LINGO2: variants seen among roughly 807,000 people sequenced by gnomAD.
LINGO2 encodes leucine-rich repeat and immunoglobulin-like domain-containing nogo receptor-interacting protein 2.
LINGO2 carries 14 observed loss-of-function variants against 30.6 expected under a neutral mutation model. The observed-to-expected ratio is 0.46, with a 90% CI of 0.30 to 0.72. LINGO2 has a LOEUF of 0.72. Ranked by LOEUF, LINGO2 falls within the 30% of genes least tolerant of loss-of-function variation. LINGO2 has a pLI of 0.07. For synonymous variants in LINGO2, 317 were observed against 288.5 expected (o/e 1.10, Z -1.00); for missense variants, 729 against 751.7 (o/e 0.97, Z 0.35).
At chr9:28,257,057 A>G (rs1822405069) in intron 4 of LINGO2, among the ~76,000 whole-genome samples, 1 of 151,656 alleles carries the variant, frequency 6.6e-6, no homozygotes, top group African/African-American at 2.4e-5. Flanking sequence ...ATTAACTTTT[A>G]TGTAATCAAT....
intron 4 of LINGO2, among the ~76,000 whole-genome samples, chr9:28,046,779 T>C (rs574826577): frequency 6.6e-6 from 1 of 152,298 alleles, no homozygotes; most frequent in African/African-American, 2.4e-5. Flanking sequence ...AACTCTGTTA[T>C]ATAAGCTACT....
At chr9:29,065,729 A>G in the LINGO2 span, among the ~76,000 whole-genome samples, 2 of 151,986 alleles carry the variant, frequency 1.3e-5, no homozygotes, top group Non-Finnish European at 2.9e-5. Flanking sequence ...CCTTAAATTT[A>G]AGAGCTCATA....
chr9:28,940,468 G>GC, the LINGO2 span, among the ~76,000 whole-genome samples: 1 of 151,646 alleles, frequency 6.6e-6, no homozygotes, highest in Non-Finnish European at 1.5e-5. Flanking sequence ...CACCCCATAT[G>GC]TTTTTTTTAA....
chr9:29,120,841 G>T, the LINGO2 span, among the ~76,000 whole-genome samples: 3 of 152,110 alleles, frequency 2.0e-5, no homozygotes, highest in Admixed American at 1.3e-4. Context: ...TTCATTAGTA[G>T]AACTTGCATG....
the LINGO2 span, among the ~76,000 whole-genome samples, chr9:28,974,842 C>A: frequency 1.3e-5 from 2 of 152,020 alleles, no homozygotes; most frequent in East Asian, 3.9e-4. Flanking sequence ...ATGAGAAAAT[C>A]CTGACTCAAA....
chr9:28,024,894 G>A (rs1272743215), intron 4 of LINGO2, among the ~76,000 whole-genome samples: 2 of 152,176 alleles, frequency 1.3e-5, no homozygotes, highest in East Asian at 3.9e-4. Context: ...CCTTACTAGA[G>A]AGTAGGGGAT....
chr9:29,196,612 A>T, the LINGO2 span, among the ~76,000 whole-genome samples: 1 of 152,072 alleles, frequency 6.6e-6, no homozygotes, highest in Non-Finnish European at 1.5e-5. Context: ...GAGCACTCTT[A>T]AGTGTGATCA....
intron 4 of LINGO2, among the ~76,000 whole-genome samples, chr9:28,023,550 T>C (rs1238974260): frequency 1.3e-5 from 2 of 152,268 alleles, no homozygotes; most frequent in African/African-American, 4.8e-5. Flanking sequence ...TCAGTGGGCT[T>C]GCGTTTTGTG....
At chr9:27,983,837 T>A (rs925113167) in intron 5 of LINGO2, among the ~76,000 whole-genome samples, 5 of 151,866 alleles carry the variant, frequency 3.3e-5, no homozygotes, top group Admixed American at 2.6e-4. Flanking sequence ...TATTAGTTAT[T>A]AATTTTTGAG....
At chr9:27,982,491 A>G (rs1394485900) in intron 5 of LINGO2, among the ~76,000 whole-genome samples, 1 of 151,852 alleles carries the variant, frequency 6.6e-6, no homozygotes, top group African/African-American at 2.4e-5. Context: ...TTTCCTACAT[A>G]TCAGGTTCTA....
At chr9:28,205,982 T>C (rs1279567693) in intron 4 of LINGO2, among the ~76,000 whole-genome samples, 1 of 151,662 alleles carries the variant, frequency 6.6e-6, no homozygotes, top group East Asian at 1.9e-4. Context: ...CTGGCCAATA[T>C]GGAAAAACCC....
chr9:28,934,814 G>A, the LINGO2 span, among the ~76,000 whole-genome samples: 3 of 152,060 alleles, frequency 2.0e-5, no homozygotes, highest in Admixed American at 2.0e-4. Flanking sequence ...CCTCAATTTT[G>A]TACAAAGGGT....
the LINGO2 span, among the ~76,000 whole-genome samples, chr9:28,679,338 A>C: frequency 6.6e-6 from 1 of 152,142 alleles, no homozygotes; most frequent in Non-Finnish European, 1.5e-5. Flanking sequence ...CACATGATTT[A>C]TCTTCTAATC....
At chr9:28,183,376 C>T (rs10733426) in intron 4 of LINGO2, among the ~76,000 whole-genome samples, 109,265 of 151,984 alleles carry the variant, frequency 0.72, 39,356 homozygotes, top group Admixed American at 0.78. Flanking sequence ...GGCACAGGTA[C>T]ACCTATGTAA....
intron 2 of LINGO2, among the ~76,000 whole-genome samples, chr9:28,408,042 C>T (rs7853721): frequency 0.92 from 139,987 of 152,132 alleles, 64,538 homozygotes; most frequent in East Asian, 1. Flanking sequence ...AGCAGTCTGA[C>T]TATTTTACTA....
intron 2 of LINGO2, among the ~76,000 whole-genome samples, chr9:28,394,453 C>T (rs975626580): frequency 6.6e-6 from 1 of 152,184 alleles, no homozygotes; most frequent in African/African-American, 2.4e-5. Flanking sequence ...TTCTCTCTCC[C>T]TTCCAGCCTC....
At chr9:28,459,358 G>C (rs577381026) in intron 2 of LINGO2, among the ~76,000 whole-genome samples, 2 of 152,004 alleles carry the variant, frequency 1.3e-5, no homozygotes, top group Admixed American at 1.3e-4. Flanking sequence ...TCATTTTAAA[G>C]TTAAGGATTC....
chr9:28,543,202 T>A (rs1821782945), intron 1 of LINGO2, among the ~76,000 whole-genome samples: 1 of 152,130 alleles, frequency 6.6e-6, no homozygotes, highest in Admixed American at 6.6e-5. Flanking sequence ...AACAAGCCTC[T>A]GACTTTCCCA....
the LINGO2 span, among the ~76,000 whole-genome samples, chr9:28,856,648 A>G: frequency 0.37 from 55,866 of 151,918 alleles, 11,331 homozygotes; most frequent in African/African-American, 0.55. Flanking sequence ...ACTAAAGCCC[A>G]GGGAAAGACT....
Sources: allele counts gnomAD v4.1 joint callset (sites outside exome capture counted in the v4.1 genomes callset), GRCh38; gene constraint gnomAD v4.1.1; transcripts MANE v1.5; gene names NCBI Gene and HGNC (gene_info 2026-07-23, HGNC 2026-07-21).